IFNGR2: variants seen among roughly 807,000 people sequenced by gnomAD.
The protein encoded by IFNGR2 is interferon gamma receptor 2.
A neutral mutation model predicts 41.1 loss-of-function variants in IFNGR2; 15 were observed. That is an observed-to-expected ratio of 0.37 (90% CI 0.24 to 0.56). IFNGR2 has a LOEUF of 0.56. Ranked by LOEUF, IFNGR2 falls within the 20% of genes least tolerant of loss-of-function variation. IFNGR2 has a pLI of 0.81. For missense variants in IFNGR2, 362 were observed against 415.7 expected (o/e 0.87, Z 1.12); for synonymous variants, 161 against 171.6 (o/e 0.94, Z 0.48).
intron 2 of IFNGR2, among the ~76,000 whole-genome samples, 200 bp downstream of exon 2, chr21:33,415,220 G>T (rs2083745895): frequency 6.6e-6 from 1 of 152,136 alleles, no homozygotes; most frequent in Non-Finnish European, 1.5e-5. Flanking sequence ...AACTACACTG[G>T]CAGTCAGGAC....
intron 4 of IFNGR2, among the ~76,000 whole-genome samples, chr21:33,431,102 A>G (rs2083882208): frequency 6.6e-6 from 1 of 152,174 alleles, no homozygotes; most frequent in Non-Finnish European, 1.5e-5. Flanking sequence ...CCTAGAGTCT[A>G]GGGTCCAGTT....
At chr21:33,428,360 T>C (rs906072878) in intron 4 of IFNGR2, among the ~76,000 whole-genome samples, 10 of 152,070 alleles carry the variant, frequency 6.6e-5, no homozygotes, top group Non-Finnish European at 7.4e-5. Context: ...TAGCTGGAAC[T>C]ACAGGCCTGT....
chr21:33,416,047 G>A (rs558786310), intron 2 of IFNGR2, among the ~76,000 whole-genome samples: 6 of 152,122 alleles, frequency 3.9e-5, no homozygotes, highest in African/African-American at 1.4e-4. Flanking sequence ...GTAGAGATGG[G>A]GTTTTGCCAT....
intron 1 of IFNGR2, among the ~76,000 whole-genome samples, chr21:33,413,953 C>T (rs1168597125): frequency 2.0e-5 from 3 of 150,950 alleles, no homozygotes; most frequent in Non-Finnish European, 4.4e-5. Context: ...CTGCCTCAGC[C>T]TCCTGAGTAG....
chr21:33,410,477 T>G (rs1194641058), intron 1 of IFNGR2, among the ~76,000 whole-genome samples: 2 of 151,322 alleles, frequency 1.3e-5, no homozygotes, highest in African/African-American at 4.9e-5. Context: ...CAACAATTTT[T>G]TTTTTTTTGA....
intron 1 of IFNGR2, among the ~76,000 whole-genome samples, chr21:33,404,056 C>A (rs1304673262): frequency 6.6e-6 from 1 of 152,258 alleles, no homozygotes; most frequent in Non-Finnish European, 1.5e-5. Context: ...GCCAGCGTGG[C>A]CCCAGTCTCC....
In IFNGR2 at chr21:33,432,798, T is replaced by C. The variant is rs1462018351; in HGVS notation, c.806T>C (p.Leu269Pro). ...LSVLAGACFFLVLKYRGLIKY... is the reference protein window; with the variant it reads ...LSVLAGACFFPVLKYRGLIKY... Reference sequence around the variant, plus strand: ...GTGCTGGCAGGAGCCTGTTTCTTCCTGGTCCTGAAATATAGAGGCCTGATT... The same window carrying C: ...GTGCTGGCAGGAGCCTGTTTCTTCCCGGTCCTGAAATATAGAGGCCTGATT... The change falls in exon 6 of 7, where the codon CTG (leucine) becomes CCG (proline). Residue 269 changes from leucine to proline, a missense_variant. Transcript: ENST00000290219. 2 of 1,613,874 alleles carry C rather than the reference T, an allele frequency of 1.2e-6. No individual in the cohort carries two copies. The highest frequency in any genetic ancestry group is 2.7e-5 in the African/African-American group (2 of 74,920).
chr21:33,423,913 C>T (rs369504165), intron 3 of IFNGR2, among the ~76,000 whole-genome samples: 7 of 151,474 alleles, frequency 4.6e-5, no homozygotes, highest in Middle Eastern at 3.4e-3. Context: ...GCCAGCTCCT[C>T]GTCTGCTGTG....
chr21:33,407,397 G>T (rs2083684488), intron 1 of IFNGR2, among the ~76,000 whole-genome samples: 2 of 152,114 alleles, frequency 1.3e-5, no homozygotes, highest in Non-Finnish European at 2.9e-5. Context: ...TAGCTGGAAT[G>T]CTTTTGCCAC....
At chr21:33,415,680 G>A (rs182146377) in intron 2 of IFNGR2, among the ~76,000 whole-genome samples, 5 of 152,356 alleles carry the variant, frequency 3.3e-5, no homozygotes, top group Non-Finnish European at 1.5e-5. Flanking sequence ...CAAATGTAAA[G>A]ACATGATGAT....
At chr21:33,408,723 T>C (rs573444689) in intron 1 of IFNGR2, among the ~76,000 whole-genome samples, 2 of 152,322 alleles carry the variant, frequency 1.3e-5, no homozygotes, top group South Asian at 4.1e-4. Flanking sequence ...ATGTGTACTA[T>C]AATAGATACA....
chr21:33,429,245 A>G (rs1282955680), intron 4 of IFNGR2, among the ~76,000 whole-genome samples: 1 of 151,998 alleles, frequency 6.6e-6, no homozygotes, highest in Non-Finnish European at 1.5e-5. Context: ...AAAGCCACCA[A>G]TGTGATCTTT....
At chr21:33,416,237 A>C (rs1302630414) in intron 2 of IFNGR2, among the ~76,000 whole-genome samples, 1 of 152,204 alleles carries the variant, frequency 6.6e-6, no homozygotes, top group African/African-American at 2.4e-5. Flanking sequence ...ATAATCATGA[A>C]GAGATACATG....
chr21:33,421,274 G>A (rs1261105281), intron 2 of IFNGR2, among the ~76,000 whole-genome samples: 1 of 140,142 alleles, frequency 7.1e-6, no homozygotes, highest in Non-Finnish European at 1.5e-5. Context: ...GGAGGTTGCT[G>A]TGAGCCAAGA....
chr21:33,433,643 A>T (rs1404845372), intron 6 of IFNGR2, among the ~76,000 whole-genome samples: 1 of 152,054 alleles, frequency 6.6e-6, no homozygotes, highest in Non-Finnish European at 1.5e-5. Flanking sequence ...ATGGGGCCAG[A>T]GTTTCAGTTC....
chr21:33,415,923 A>G (rs1286253646), intron 2 of IFNGR2, among the ~76,000 whole-genome samples: 1 of 152,204 alleles, frequency 6.6e-6, no homozygotes, highest in African/African-American at 2.4e-5. Context: ...GGGCAATGGC[A>G]TGATCTCAGC....
intron 2 of IFNGR2, 144 bp downstream of exon 2, chr21:33,415,164 C>A: frequency 2.7e-6 from 3 of 1,094,530 alleles, no homozygotes; most frequent in Non-Finnish European, 4.1e-6. Context: ...CTTGTAAAAT[C>A]TCTGAGGACA....
chr21:33,412,453 C>CA (rs2083724105), intron 1 of IFNGR2, among the ~76,000 whole-genome samples: 1 of 152,174 alleles, frequency 6.6e-6, no homozygotes, highest in South Asian at 2.1e-4. Context: ...AGTCAGAGGC[C>CA]AAAAATGTGC....
chr21:33,436,862 C>A lies in IFNGR2; in HGVS notation c.914C>A (p.Ala305Asp), dbSNP rs893539360. 5.6e-6 allele frequency: 9 copies of A among 1,613,922 alleles called. No homozygotes were observed. In the East Asian group the frequency reaches 6.7e-5, roughly 12 times the overall value. The change falls in exon 7 of 7, where the codon GCC becomes GAC. Residue 305 changes from alanine (A) to aspartate (D), a missense_variant. By Grantham distance (126) the Ala-to-Asp change is moderately radical (BLOSUM62 -2). Transcript: ENST00000290219. ...GACCCAACTCAGCCCATCTTAGAGGCCTTGGACAAGGACAGCTCACCAAAG... is the reference window on the plus strand; with the variant it reads ...GACCCAACTCAGCCCATCTTAGAGGACTTGGACAAGGACAGCTCACCAAAG... ...LKDPTQPILE[A>D]LDKDSSPKDD...
Sources: allele counts gnomAD v4.1 joint callset (sites outside exome capture counted in the v4.1 genomes callset), GRCh38; gene constraint gnomAD v4.1.1; transcripts MANE v1.5; gene names NCBI Gene and HGNC (gene_info 2026-07-23, HGNC 2026-07-21).